Variants in HYAL4 observed in about 807,000 individuals in gnomAD.
HYAL4 encodes the protein hyaluronidase-4.
HYAL4 carries 37 observed loss-of-function variants against 35.2 expected under a neutral mutation model. The observed-to-expected ratio is 1.05, with a 90% confidence interval of 0.81 to 1.38. The LOEUF (loss-of-function observed/expected upper bound fraction) is 1.38, where lower values mean the gene tolerates loss of function less well. Ranked by LOEUF, HYAL4 falls within the 40% of genes most tolerant of loss-of-function variation. The pLI, the probability that HYAL4 is intolerant of heterozygous loss-of-function variation, is 0.00. For synonymous variants in HYAL4, 198 were observed against 203.2 expected, an observed-to-expected ratio of 0.97 and a Z score of 0.22; for missense variants, 572 against 572.4, an observed-to-expected ratio of 1.00 and a Z score of 0.01.
At chr7:123,817,755 C>A in the HYAL4 span, among the ~76,000 whole-genome samples, 8 of 151,794 alleles carry the variant, frequency 5.3e-5, no homozygotes, top group African/African-American at 1.9e-4. Flanking sequence ...GGTGATCCAC[C>A]CGCCTCAGCC....
chr7:123,826,637 T>C (rs1358001942), upstream of HYAL4, among the ~76,000 whole-genome samples: 1 of 152,220 alleles, frequency 6.6e-6, no homozygotes, highest in African/African-American at 2.4e-5. Flanking sequence ...TGGGAGGATA[T>C]TTTTAATCTG....
At position 123,854,976 on chromosome 7, in the gene HYAL4, T is replaced by A. The variant is rs1366329282; in HGVS notation, c.-52+6818T>A. Among the ~76,000 whole-genome samples the A allele has an allele frequency of 6.6e-4, 100 of 152,234 alleles. 1 individual carries two copies. Among genetic ancestry groups the A allele is most frequent in the Non-Finnish European group, 3.4e-4 (23 of 68,046 alleles). On this transcript the variant is annotated intron_variant, in intron 2 of 4. Coordinates refer to ENST00000223026, the MANE Select transcript of HYAL4 (RefSeq NM_012269.3). Reference sequence around the variant, plus strand: ...AATTGATCCCTTTACCATTATGTAATGGCCTTCCTTGTCTCTTTTGATCTT... The same window carrying A: ...AATTGATCCCTTTACCATTATGTAAAGGCCTTCCTTGTCTCTTTTGATCTT...
At chr7:123,771,076 A>C in the HYAL4 span, among the ~76,000 whole-genome samples, 1 of 152,172 alleles carries the variant, frequency 6.6e-6, no homozygotes, top group Non-Finnish European at 1.5e-5. Context: ...TAAAAAGTCC[A>C]GTTAGTTCTA....
chr7:123,784,951 G>A, the HYAL4 span, among the ~76,000 whole-genome samples: 1 of 152,204 alleles, frequency 6.6e-6, no homozygotes, highest in Admixed American at 6.5e-5. Context: ...GGAGTTGTAT[G>A]TTGAGTGTAA....
the HYAL4 span, among the ~76,000 whole-genome samples, chr7:123,802,152 A>G: frequency 3.3e-5 from 5 of 152,128 alleles, no homozygotes; most frequent in Non-Finnish European, 7.3e-5. Context: ...AAAAAGAAAC[A>G]TTTCCCCAGA....
chr7:123,874,960 C>A, intron 4 of HYAL4, 110 bp downstream of exon 4: 2 of 673,822 alleles, frequency 3.0e-6, no homozygotes, highest in Non-Finnish European at 5.3e-6. Context: ...AATAAATATT[C>A]CAAATCAGTG....
intron 3 of HYAL4, 118 bp downstream of exon 3, chr7:123,869,345 A>G: frequency 1.4e-6 from 1 of 722,904 alleles, no homozygotes; most frequent in Non-Finnish European, 2.2e-6. Context: ...ATATGGGAGC[A>G]TAATTCTTCC....
the HYAL4 span, among the ~76,000 whole-genome samples, chr7:123,805,424 A>G: frequency 6.6e-6 from 1 of 152,194 alleles, no homozygotes; most frequent in East Asian, 1.9e-4. Context: ...AAGTTATTAC[A>G]TTTTTGAAAT....
chr7:123,768,264 A>G, the HYAL4 span, among the ~76,000 whole-genome samples: 1 of 152,242 alleles, frequency 6.6e-6, no homozygotes, highest in African/African-American at 2.4e-5. Flanking sequence ...TGCCATTATT[A>G]AAATAAAAAC....
At chr7:123,837,618 T>C (rs1181357155) in intron 1 of HYAL4, among the ~76,000 whole-genome samples, 1 of 152,086 alleles carries the variant, frequency 6.6e-6, no homozygotes, top group East Asian at 1.9e-4. Flanking sequence ...GTTGGTGTGC[T>C]GCACCCATTA....
the HYAL4 span, among the ~76,000 whole-genome samples, chr7:123,770,601 C>T: frequency 1.3e-5 from 2 of 151,736 alleles, no homozygotes; most frequent in African/African-American, 2.4e-5. Context: ...AAGAGCAGGG[C>T]GTAATCACAC....
At chr7:123,838,381 A>G (rs916360805) in intron 1 of HYAL4, among the ~76,000 whole-genome samples, 1 of 152,054 alleles carries the variant, frequency 6.6e-6, no homozygotes, top group Non-Finnish European at 1.5e-5. Flanking sequence ...CTATTACATA[A>G]TTAATCATGC....
At chr7:123,832,479 CTTTTTTTTTTTTTTTTTTTTTTT>C (rs71163703) in intron 1 of HYAL4, among the ~76,000 whole-genome samples, 3 of 21,846 alleles carry the variant, frequency 1.4e-4, no homozygotes, top group South Asian at 3.6e-3. Flanking sequence ...TTGTGTCATA[CTTTTTTTTTTTTTTTTTTTTTTT>C]TTTTTTTTTT....
At chr7:123,867,935 A>G (rs1214330858) in intron 2 of HYAL4, among the ~76,000 whole-genome samples, 2 of 152,166 alleles carry the variant, frequency 1.3e-5, no homozygotes, top group Non-Finnish European at 2.9e-5. Context: ...ATTATTTCAC[A>G]TCTTTATCTG....
At chr7:123,797,103 G>C in the HYAL4 span, among the ~76,000 whole-genome samples, 2 of 152,200 alleles carry the variant, frequency 1.3e-5, no homozygotes, top group African/African-American at 4.8e-5. Flanking sequence ...AATACATGTG[G>C]TTTTGGTATT....
At chr7:123,823,565 G>A in the HYAL4 span, among the ~76,000 whole-genome samples, 32 of 151,922 alleles carry the variant, frequency 2.1e-4, no homozygotes, top group Non-Finnish European at 4.4e-4. Flanking sequence ...CACTGGTGAA[G>A]TTTTCAGGTC....
chr7:123,852,353 A>C (rs576295250), intron 2 of HYAL4, among the ~76,000 whole-genome samples: 1 of 152,208 alleles, frequency 6.6e-6, no homozygotes, highest in South Asian at 2.1e-4. Flanking sequence ...GTTTTCTTCT[A>C]GGGTTTTTAT....
intron 1 of HYAL4, among the ~76,000 whole-genome samples, chr7:123,837,718 T>C (rs1805987890): frequency 8.3e-6 from 1 of 121,048 alleles, no homozygotes; most frequent in Non-Finnish European, 1.6e-5. Context: ...GATGTTCCCC[T>C]TCCTGTGTTC....
chr7:123,792,363 T>C, the HYAL4 span, among the ~76,000 whole-genome samples: 1 of 152,344 alleles, frequency 6.6e-6, no homozygotes, highest in Admixed American at 6.5e-5. Flanking sequence ...GTCAGACAGC[T>C]CTGGTTCTGA....
Sources: allele counts gnomAD v4.1 joint callset (sites outside exome capture counted in the v4.1 genomes callset), GRCh38; gene constraint gnomAD v4.1.1; transcripts MANE v1.5; gene names NCBI Gene and HGNC (gene_info 2026-07-23, HGNC 2026-07-21).